The following ACAD10 variants were observed in gnomAD, a reference collection of about 807,000 sequenced individuals.
ACAD10 encodes ACAD-10.
In ACAD10, 112 loss-of-function variants were observed where a neutral mutation model predicts 116.8. The ratio of observed to expected loss-of-function variants is 0.96; its 90% CI spans 0.82 to 1.12. The LOEUF (loss-of-function observed/expected upper bound fraction) is 1.12, where lower values mean the gene tolerates loss of function less well. ACAD10 is among the 50% of genes most tolerant of loss of function. ACAD10 has a pLI of 0.00. For synonymous variants in ACAD10, 486 were observed against 510.6 expected, an observed-to-expected ratio of 0.95 and a Z score of 0.65; for missense variants, 1,259 against 1,350.2, an observed-to-expected ratio of 0.93 and a Z score of 1.06.
At chr12:111,721,796 T>C in intron 8 of ACAD10, 57 bp downstream of exon 8, 1 of 1,440,456 alleles carries the variant, frequency 6.9e-7, no homozygotes, top group Non-Finnish European at 9.5e-7. Flanking sequence ...GAAAAGCCCA[T>C]ATGCTAACAC....
At position 111,734,057 on chromosome 12, in the gene ACAD10, C is replaced by T. The variant is rs766574091; in HGVS notation, c.1529C>T (p.Pro510Leu). The change falls in exon 11 of 21, where the codon CCC becomes CTC. Residue 510 changes from proline (P) to leucine (L), a missense_variant. By Grantham distance (98) the Pro-to-Leu change is moderately conservative. Coordinates refer to ENST00000313698, the MANE Select transcript of ACAD10 (RefSeq NM_025247.6). ...CLAHYLPSSF[P>L]VLRGINDCDL... ...GCTCATTACCTGCCATCCAGTTTTC[C>T]CGTGCTGAGAGGTAGGAACTGCTGC... The T allele has an allele frequency of 6.2e-7, 1 of 1,614,166 alleles. No homozygotes were observed. Among genetic ancestry groups the T allele is most frequent in the Middle Eastern group, 1.6e-4 (1 of 6,062 alleles).
intron 10 of ACAD10, among the ~76,000 whole-genome samples, chr12:111,733,046 G>A (rs1233486109): frequency 6.6e-6 from 1 of 152,142 alleles, no homozygotes. Context: ...CTGTCTCTTT[G>A]TGGTTCCCAC....
At chr12:111,699,079 A>G (rs1048207776) in intron 2 of ACAD10, among the ~76,000 whole-genome samples, 1 of 151,974 alleles carries the variant, frequency 6.6e-6, no homozygotes, top group African/African-American at 2.4e-5. Flanking sequence ...GGTTTTCACC[A>G]TGTTGCCCAG....
chr12:111,706,760 T>TATA (rs1888518541), intron 4 of ACAD10, among the ~76,000 whole-genome samples: 26 of 131,578 alleles, frequency 2.0e-4, no homozygotes, highest in African/African-American at 7.0e-4. Context: ...CTATTTATTT[T>TATA]TTTATATATA....
At chr12:111,722,811 C>T (rs1278508688) in intron 8 of ACAD10, among the ~76,000 whole-genome samples, 8 of 152,168 alleles carry the variant, frequency 5.3e-5, no homozygotes, top group African/African-American at 1.4e-4. Flanking sequence ...GGCAACCATC[C>T]GATTTCTCAA....
At chr12:111,695,038 A>C (rs1888157589) in intron 2 of ACAD10, among the ~76,000 whole-genome samples, 1 of 152,166 alleles carries the variant, frequency 6.6e-6, no homozygotes, top group African/African-American at 2.4e-5. Context: ...AAAATAATAA[A>C]TAAAATAAAA....
At chr12:111,712,714 G>C (rs1433245194) in intron 6 of ACAD10, 57 bp downstream of exon 6, 1 of 1,569,740 alleles carries the variant, frequency 6.4e-7, no homozygotes. Flanking sequence ...GTTTTGGTCT[G>C]TTTCTCACTT....
chr12:111,692,614 G>C lies in ACAD10; in HGVS notation c.-13-83G>C, dbSNP rs80352379. Reference sequence around the variant, plus strand: ...GTTGGAGATGGGTTAGAGATGTCTGGCTGGCCCCTCTGAGCTCCAGGATGG... The same window carrying C: ...GTTGGAGATGGGTTAGAGATGTCTGCCTGGCCCCTCTGAGCTCCAGGATGG... On this transcript the variant is annotated intron_variant, in intron 1 of 20. Transcript: ENST00000313698. 3.2e-3 allele frequency: 4,390 copies of C among 1,392,258 alleles called. 117 individuals are homozygous for C. The African/African-American group carries it at 0.054, about 17-fold the overall frequency. 86.2% of individuals were successfully genotyped at this position (1,392,258 alleles called of 1,614,324 possible). A position where few individuals can be genotyped will look rare whatever the true frequency, so the allele number is the denominator to read the frequency against.
intron 4 of ACAD10, among the ~76,000 whole-genome samples, chr12:111,706,180 AC>A (rs1888498999): frequency 6.6e-6 from 1 of 152,128 alleles, no homozygotes; most frequent in Non-Finnish European, 1.5e-5. Context: ...CTAAATTCGA[AC>A]CTTAGTCTTC....
intron 18 of ACAD10, chr12:111,749,664 C>T (rs1890015047): frequency 3.4e-6 from 1 of 290,780 alleles, no homozygotes; most frequent in Non-Finnish European, 6.4e-6. Flanking sequence ...CAATGGCTCA[C>T]AGCTATAATC....
intron 12 of ACAD10, among the ~76,000 whole-genome samples, chr12:111,742,684 G>GC (rs769817642): frequency 2.6e-5 from 4 of 152,040 alleles, no homozygotes; most frequent in Non-Finnish European, 4.4e-5. Flanking sequence ...ACGTAGTAAG[G>GC]CCCCATCTCT....
intron 12 of ACAD10, 32 bp downstream of exon 12, chr12:111,737,036 CG>C: frequency 1.2e-6 from 2 of 1,605,142 alleles, no homozygotes; most frequent in Non-Finnish European, 1.7e-6. Context: ...AGAGCCACTG[CG>C]GGGTGAGTCA....
At chr12:111,748,639 C>T (rs1051610093) in intron 17 of ACAD10, 164 bp downstream of exon 17, 3 of 772,654 alleles carry the variant, frequency 3.9e-6, no homozygotes, top group African/African-American at 3.5e-5. Flanking sequence ...ACATGAATAT[C>T]AACCATGCAG....
chr12:111,716,547 A>G (rs1888852313), intron 7 of ACAD10, among the ~76,000 whole-genome samples: 1 of 152,198 alleles, frequency 6.6e-6, no homozygotes, highest in Admixed American at 6.6e-5. Flanking sequence ...TATGCTCACC[A>G]TAAAGTTGTT....
chr12:111,741,447 G>C (rs987820040), intron 12 of ACAD10, among the ~76,000 whole-genome samples: 2 of 152,184 alleles, frequency 1.3e-5, no homozygotes, highest in South Asian at 2.1e-4. Context: ...TCCTCAGCCT[G>C]TCTCTCAGGA....
rs991966450 is a variant in ACAD10 at position 111,753,069 on chromosome 12, G to A, written c.2818-703G>A. 8 of 165,544 alleles carry A rather than the reference G, an allele frequency of 4.8e-5. No homozygotes were observed. The South Asian group carries it at 6.2e-4, about 13-fold the overall frequency. The allele number at this position is 165,544 out of a possible 1,614,324, so 10.3% of individuals were successfully genotyped here. ...TGAGGTAGGAAGATTGCTTGAGCCC[G>A]GGAGGCGGAGGTTGCAGTGAGCCAA... On this transcript the variant is annotated intron_variant, in intron 18 of 20. Transcript: ENST00000313698.
intron 3 of ACAD10, among the ~76,000 whole-genome samples, chr12:111,704,251 C>T (rs1593020416): frequency 6.6e-6 from 1 of 151,950 alleles, no homozygotes; most frequent in African/African-American, 2.4e-5. Flanking sequence ...AAGCGATTCT[C>T]CTGCCTCAGC....
intron 4 of ACAD10, among the ~76,000 whole-genome samples, chr12:111,708,559 G>A (rs920759259): frequency 2.0e-5 from 3 of 152,040 alleles, no homozygotes; most frequent in African/African-American, 7.2e-5. Flanking sequence ...ACCTGAAAGG[G>A]CAGTTCTCAC....
At chr12:111,704,362 G>T (rs965040329) in intron 3 of ACAD10, among the ~76,000 whole-genome samples, 7 of 151,982 alleles carry the variant, frequency 4.6e-5, no homozygotes, top group Admixed American at 4.6e-4. Context: ...GGATGGTCTC[G>T]ATCTCTTGAC....
Sources: gnomAD v4.1 joint callset for allele counts (sites outside exome capture counted in the v4.1 genomes callset) on GRCh38, gnomAD v4.1.1 for gene constraint, MANE v1.5 for transcripts, NCBI Gene and HGNC (gene_info 2026-07-23, HGNC 2026-07-21) for gene names.